The following USP37 variants were observed in gnomAD, a reference collection of about 807,000 sequenced individuals.
USP37 encodes ubiquitin specific peptidase 37.
A neutral mutation model predicts 124.0 loss-of-function variants in USP37; 27 were observed. That is an observed-to-expected ratio of 0.22 (90% CI 0.16 to 0.30). The LOEUF is 0.30. USP37 is among the 10% of genes least tolerant of loss of function. USP37 has a pLI of 1.00. For synonymous variants in USP37, 365 were observed against 388.0 expected (o/e 0.94, Z 0.70); for missense variants, 889 against 1,140.4 (o/e 0.78, Z 3.17).
chr2:218,546,266 C>G lies in USP37; in HGVS notation c.635G>C (p.Gly212Ala), dbSNP rs755026838. 6.2e-7 allele frequency: 1 copy of G among 1,613,038 alleles called. No individual in the cohort carries two copies. The highest frequency in any genetic ancestry group is 8.5e-7 in the Non-Finnish European group (1 of 1,179,756). ...AGGGTAATCTTCATTCAATTCTGAG[C>G]CAGTTGATATCATTCTTTTCCTCTT... ...TEKRKRMIST[G>A]SELNEDYPKE... Residue 212 changes from glycine to alanine, a missense_variant, in exon 8 of 26, where the codon GGC becomes GCC. Physicochemically the swap from Gly to Ala is moderately conservative, Grantham distance 60. Coordinates refer to ENST00000258399, the MANE Select transcript of USP37 (RefSeq NM_020935.3).
chr2:218,522,524 C>T lies in USP37; in HGVS notation c.863+7432G>A, dbSNP rs1690714172. Among the ~76,000 whole-genome samples the T allele has an allele frequency of 2.1e-5, 3 of 144,856 alleles. No homozygotes were observed. The Admixed American group carries it at 2.1e-4, about 10-fold the overall frequency. ...TCTGCAGTGAGCTAGGATTGTGCCA[C>T]CGTACTCCAGCCTAGGTGACAGAGG... On this transcript the variant is annotated intron_variant, in intron 10 of 25. Coordinates refer to ENST00000258399, the MANE Select transcript of USP37 (RefSeq NM_020935.3).
At chr2:218,563,557 T>C (rs1693425804) in intron 1 of USP37, among the ~76,000 whole-genome samples, 2 of 152,210 alleles carry the variant, frequency 1.3e-5, no homozygotes, top group African/African-American at 4.8e-5. Context: ...AAAGCTAACA[T>C]TGTTTCTCAA....
At chr2:218,481,273 G>A (rs1691257472) in intron 17 of USP37, among the ~76,000 whole-genome samples, 1 of 152,160 alleles carries the variant, frequency 6.6e-6, no homozygotes, top group Admixed American at 6.5e-5. Flanking sequence ...TCTTTACACT[G>A]CTGATAATAT....
intron 5 of USP37, among the ~76,000 whole-genome samples, chr2:218,552,378 T>C (rs1692714827): frequency 6.6e-6 from 1 of 152,108 alleles, no homozygotes; most frequent in African/African-American, 2.4e-5. Context: ...TAAAGACTAA[T>C]GTGATAGTAG....
intron 6 of USP37, 124 bp from the exon 7 acceptor site, chr2:218,547,215 T>A: frequency 9.6e-7 from 1 of 1,046,166 alleles, no homozygotes; most frequent in Non-Finnish European, 1.3e-6. Context: ...CTCATGCCTG[T>A]AATCCCAGAA....
At chr2:218,497,914 TA>T in intron 12 of USP37, 57 bp from the exon 13 acceptor site, 1 of 1,587,236 alleles carries the variant, frequency 6.3e-7, no homozygotes, top group Admixed American at 1.8e-5. Flanking sequence ...CGTGATATTT[TA>T]AAGAATAATT....
At chr2:218,469,830 T>C (rs922379164) in intron 20 of USP37, among the ~76,000 whole-genome samples, 1 of 141,610 alleles carries the variant, frequency 7.1e-6, no homozygotes, top group African/African-American at 2.7e-5. Flanking sequence ...TTTTTTTTTT[T>C]TTTTTTTTGA....
chr2:218,551,593 T>C (rs1692665823), intron 5 of USP37, among the ~76,000 whole-genome samples: 1 of 152,238 alleles, frequency 6.6e-6, no homozygotes, highest in African/African-American at 2.4e-5. Context: ...ATTTTTTCAT[T>C]ATGCTATGTT....
At chr2:218,526,914 G>A (rs1299711898) in intron 10 of USP37, among the ~76,000 whole-genome samples, 3 of 147,530 alleles carry the variant, frequency 2.0e-5, no homozygotes, top group East Asian at 2.0e-4. Context: ...TCAGCCTCCC[G>A]AGTAGCTGGG....
intron 14 of USP37, among the ~76,000 whole-genome samples, chr2:218,490,382 G>T (rs1363061235): frequency 6.6e-6 from 1 of 152,042 alleles, no homozygotes; most frequent in Admixed American, 6.6e-5. Context: ...GTGCATATGT[G>T]GATACTTCTA....
chr2:218,507,141 T>C (rs1037390468), intron 11 of USP37, among the ~76,000 whole-genome samples: 1 of 151,814 alleles, frequency 6.6e-6, no homozygotes, highest in South Asian at 2.1e-4. Context: ...TCTTTCAAGG[T>C]ATTTAATTAT....
At chr2:218,479,804 A>T in intron 17 of USP37, 89 bp from the exon 18 acceptor site, 1 of 766,326 alleles carries the variant, frequency 1.3e-6, no homozygotes, top group Non-Finnish European at 1.8e-6. Context: ...TCTTACTATA[A>T]TTCCTTTTAT....
chr2:218,506,687 T>A (rs1246115849), intron 11 of USP37, among the ~76,000 whole-genome samples: 1 of 151,932 alleles, frequency 6.6e-6, no homozygotes, highest in Non-Finnish European at 1.5e-5. Flanking sequence ...CACTTGAGTA[T>A]CTTTAATTTA....
chr2:218,463,852 A>C (rs912232861), intron 21 of USP37, among the ~76,000 whole-genome samples: 3 of 116,366 alleles, frequency 2.6e-5, no homozygotes, highest in African/African-American at 6.6e-5. Context: ...GTATTTTTTA[A>C]GATTTTTTTT....
At chr2:218,482,020 C>T (rs1691296982) in intron 17 of USP37, 50 bp downstream of exon 17, 1 of 1,521,118 alleles carries the variant, frequency 6.6e-7, no homozygotes, top group African/African-American at 1.4e-5. Flanking sequence ...GATACTAAAG[C>T]CTTTCTATTT....
intron 8 of USP37, among the ~76,000 whole-genome samples, chr2:218,540,064 A>C (rs1559217575): frequency 6.6e-6 from 1 of 152,102 alleles, no homozygotes; most frequent in Non-Finnish European, 1.5e-5. Flanking sequence ...TTTTCACTTA[A>C]AGGAGGCACT....
At chr2:218,469,772 G>A (rs1450431530) in intron 20 of USP37, among the ~76,000 whole-genome samples, 1 of 148,012 alleles carries the variant, frequency 6.8e-6, no homozygotes, top group African/African-American at 2.5e-5. Context: ...TTTAAGGACT[G>A]TACAATGGAT....
At position 218,460,897 on chromosome 2, in the gene USP37, C is replaced by T. The variant is rs1219408358; in HGVS notation, c.2528-992G>A. Among the ~76,000 whole-genome samples, 10 of 151,756 alleles carry T rather than the reference C, an allele frequency of 6.6e-5. No individual in the cohort carries two copies. In the East Asian group the frequency reaches 1.2e-3, roughly 18 times the overall value. ...CGGAGGTTGCAGTGAGCCGAGATTG[C>T]GCCACTGCACTCCAGCCTGGTGACA... On this transcript the variant is annotated intron_variant, in intron 22 of 25. Coordinates refer to ENST00000258399, the MANE Select transcript of USP37 (RefSeq NM_020935.3).
At chr2:218,503,028 C>CT (rs1194177446) in intron 11 of USP37, among the ~76,000 whole-genome samples, 1 of 152,126 alleles carries the variant, frequency 6.6e-6, no homozygotes, top group African/African-American at 2.4e-5. Context: ...CACATTATCA[C>CT]GTTAGAGTTC....
Sources: allele counts gnomAD v4.1 joint callset (sites outside exome capture counted in the v4.1 genomes callset), GRCh38; gene constraint gnomAD v4.1.1; transcripts MANE v1.5; gene names NCBI Gene and HGNC (gene_info 2026-07-23, HGNC 2026-07-21).